The following RORA variants were observed in gnomAD, a reference collection of about 807,000 sequenced individuals.
The protein encoded by RORA is nuclear receptor ROR-alpha.
Under a neutral mutation model 69.5 loss-of-function variants are expected in RORA, and 7 were observed. The ratio of observed to expected loss-of-function variants is 0.10; its 90% CI spans 0.06 to 0.19. The LOEUF is 0.19. Ranked by LOEUF, RORA falls within the 10% of genes least tolerant of loss-of-function variation. The pLI, the probability that RORA is intolerant of heterozygous loss-of-function variation, is 1.00. For synonymous variants in RORA, 261 were observed against 240.8 expected (o/e 1.08, Z -0.78); for missense variants, 457 against 663.0 (o/e 0.69, Z 3.41).
At position 60,900,186 on chromosome 15, in the gene RORA, T is replaced by C. The variant is rs1165895857; in HGVS notation, c.167-221500A>G. Among the ~76,000 whole-genome samples, 3 of 142,416 alleles carry C rather than the reference T, an allele frequency of 2.1e-5. No homozygotes were observed. In the South Asian group the frequency reaches 6.3e-4, roughly 30 times the overall value. The allele number at this position is 142,416 out of a possible 152,430, so 93.4% of individuals were successfully genotyped here. On this transcript the variant is annotated intron_variant, in intron 1 of 10. Transcript: ENST00000335670. ...CAAAGTCCAAGATGGGAAAGGTCATTTATTGTCTGCCAGATGGGATGTTTC... is the reference window on the plus strand; with the variant it reads ...CAAAGTCCAAGATGGGAAAGGTCATCTATTGTCTGCCAGATGGGATGTTTC...
intron 1 of RORA, among the ~76,000 whole-genome samples, chr15:60,900,773 G>A (rs978622436): frequency 6.6e-6 from 1 of 152,136 alleles, no homozygotes; most frequent in African/African-American, 2.4e-5. Context: ...TCGGGAGGCT[G>A]AGGCAGGAGA....
chr15:60,607,819 G>A (rs1446496859), intron 2 of RORA, among the ~76,000 whole-genome samples: 1 of 152,130 alleles, frequency 6.6e-6, no homozygotes, highest in East Asian at 1.9e-4. Flanking sequence ...TCTGGAGAAA[G>A]AAAGATTAGC....
intron 1 of RORA, among the ~76,000 whole-genome samples, chr15:60,737,093 C>T (rs572308752): frequency 6.6e-5 from 10 of 152,268 alleles, no homozygotes; most frequent in African/African-American, 2.4e-4. Context: ...GACCATTCTG[C>T]TACAACCATT....
chr15:60,580,850 C>G (rs1173765355), intron 2 of RORA, among the ~76,000 whole-genome samples: 1 of 152,196 alleles, frequency 6.6e-6, no homozygotes, highest in Non-Finnish European at 1.5e-5. Flanking sequence ...TTGTTACTAG[C>G]ATGCCTACAA....
intron 1 of RORA, among the ~76,000 whole-genome samples, chr15:61,086,790 A>C (rs1299796824): frequency 1.3e-5 from 2 of 152,120 alleles, no homozygotes; most frequent in Non-Finnish European, 2.9e-5. Context: ...TTTTTAAATA[A>C]AGTTTTATTG....
chr15:60,654,574 G>A (rs140847049), intron 2 of RORA, among the ~76,000 whole-genome samples: 115 of 151,990 alleles, frequency 7.6e-4, no homozygotes, highest in African/African-American at 2.4e-3. Context: ...CTTAATTCCC[G>A]GAACCTACAA....
chr15:60,967,781 A>G (rs1266374945), intron 1 of RORA, among the ~76,000 whole-genome samples: 1 of 152,214 alleles, frequency 6.6e-6, no homozygotes, highest in Non-Finnish European at 1.5e-5. Context: ...CTAATCAGCT[A>G]TCATCCAGTC....
Position 60,920,104 on chromosome 15 carries a change from G to A in RORA, c.167-241418C>T, listed in dbSNP as rs375598438. ...CTTTATCAGCTCCCTCACAGCTTCA[G>A]CAGCACTATCTCACCCCACTAACCA... On this transcript the variant is annotated intron_variant, in intron 1 of 10. Transcript: ENST00000335670. 5.3e-5 allele frequency among the ~76,000 whole-genome samples: 8 copies of A among 152,308 alleles called. No homozygotes were observed. The East Asian group carries it at 7.7e-4, about 15-fold the overall frequency.
intron 1 of RORA, among the ~76,000 whole-genome samples, chr15:60,773,064 C>T (rs888443612): frequency 6.6e-6 from 1 of 152,186 alleles, no homozygotes; most frequent in Non-Finnish European, 1.5e-5. Flanking sequence ...GACCCAGACT[C>T]TCTTGGCCTC....
intron 1 of RORA, among the ~76,000 whole-genome samples, chr15:60,942,915 G>A (rs963211751): frequency 1.3e-5 from 2 of 152,326 alleles, no homozygotes; most frequent in South Asian, 2.1e-4. Flanking sequence ...TCAAGCCCAC[G>A]AAGCCCTGTT....
At chr15:60,955,403 A>G (rs1893237710) in intron 1 of RORA, among the ~76,000 whole-genome samples, 2 of 152,240 alleles carry the variant, frequency 1.3e-5, no homozygotes, top group Non-Finnish European at 1.5e-5. Flanking sequence ...GAAATATGAT[A>G]ATACATACAA....
chr15:60,885,323 G>A (rs924746847), intron 1 of RORA, among the ~76,000 whole-genome samples: 6 of 152,216 alleles, frequency 3.9e-5, no homozygotes, highest in African/African-American at 1.4e-4. Context: ...CATGGAGTGT[G>A]CAGTTGAACC....
intron 1 of RORA, among the ~76,000 whole-genome samples, chr15:60,998,233 A>T (rs896582138): frequency 5.3e-5 from 8 of 152,076 alleles, no homozygotes; most frequent in Non-Finnish European, 1.2e-4. Context: ...GCCCGATCAC[A>T]GCTCACTGTA....
chr15:61,139,452 T>C (rs987478886), intron 1 of RORA, among the ~76,000 whole-genome samples: 3 of 152,132 alleles, frequency 2.0e-5, no homozygotes, highest in Admixed American at 6.5e-5. Flanking sequence ...AATGAAAGAA[T>C]AAAAAGTAAT....
At chr15:60,789,525 G>A (rs887285386) in intron 1 of RORA, among the ~76,000 whole-genome samples, 2 of 152,196 alleles carry the variant, frequency 1.3e-5, no homozygotes, top group African/African-American at 4.8e-5. Flanking sequence ...GCATTGCACC[G>A]ACTATCCATA....
intron 1 of RORA, among the ~76,000 whole-genome samples, chr15:60,814,455 G>C (rs188734823): frequency 2.0e-5 from 3 of 152,300 alleles, no homozygotes; most frequent in Non-Finnish European, 2.9e-5. Context: ...CCAGTGTCTA[G>C]TGCAGTTCCT....
chr15:61,037,119 A>G (rs1896496837), intron 1 of RORA, among the ~76,000 whole-genome samples: 1 of 152,236 alleles, frequency 6.6e-6, no homozygotes, highest in South Asian at 2.1e-4. Flanking sequence ...ACCTTAGGAA[A>G]TAAACACTCT....
At chr15:60,724,296 G>C (rs577106272) in intron 1 of RORA, among the ~76,000 whole-genome samples, 15 of 152,272 alleles carry the variant, frequency 9.9e-5, no homozygotes, top group African/African-American at 3.6e-4. Context: ...GTTGAGTACT[G>C]TTCCAAGCAC....
chr15:60,704,177 A>G (rs2071025666), intron 1 of RORA, among the ~76,000 whole-genome samples: 1 of 152,216 alleles, frequency 6.6e-6, no homozygotes, highest in African/African-American at 2.4e-5. Flanking sequence ...CGCCACTCCA[A>G]GCTTCAATAG....
Sources: allele counts gnomAD v4.1 joint callset (sites outside exome capture counted in the v4.1 genomes callset), GRCh38; gene constraint gnomAD v4.1.1; transcripts MANE v1.5; gene names NCBI Gene and HGNC (gene_info 2026-07-23, HGNC 2026-07-21).